VOPP1: variants seen among roughly 807,000 people sequenced by gnomAD.
The protein encoded by VOPP1 is WW domain binding protein VOPP1.
A neutral mutation model predicts 23.5 loss-of-function variants in VOPP1; 8 were observed. That is an observed-to-expected ratio of 0.34 (90% CI 0.20 to 0.61). VOPP1 has a LOEUF of 0.61. Ranked by LOEUF, VOPP1 falls within the 20% of genes least tolerant of loss-of-function variation. The pLI is 0.78. For missense variants in VOPP1, 174 were observed against 238.1 expected (o/e 0.73, Z 1.77); for synonymous variants, 83 against 97.3 (o/e 0.85, Z 0.86).
chr7:55,542,568 T>A (rs1797179348), intron 1 of VOPP1, among the ~76,000 whole-genome samples: 1 of 152,090 alleles, frequency 6.6e-6, no homozygotes, highest in Non-Finnish European at 1.5e-5. Flanking sequence ...GGCGGGCAGA[T>A]CACTTGAGGT....
intron 2 of VOPP1, among the ~76,000 whole-genome samples, chr7:55,500,185 A>G (rs1794270162): frequency 6.6e-6 from 1 of 152,122 alleles, no homozygotes; most frequent in Non-Finnish European, 1.5e-5. Context: ...CACCCTGCAT[A>G]ATCCCCTCCT....
intron 4 of VOPP1, 44 bp downstream of exon 4, chr7:55,492,238 G>GAC (rs771861973): frequency 6.4e-7 from 1 of 1,574,088 alleles, no homozygotes; most frequent in Non-Finnish European, 8.7e-7. Context: ...GTTGGCAGAC[G>GAC]ACACACACTG....
chr7:55,548,404 C>G (rs1214210412), intron 1 of VOPP1, among the ~76,000 whole-genome samples: 1 of 152,202 alleles, frequency 6.6e-6, no homozygotes, highest in African/African-American at 2.4e-5. Flanking sequence ...GAGGCTCCGC[C>G]CTCTGCCCCT....
intron 1 of VOPP1, among the ~76,000 whole-genome samples, chr7:55,571,356 T>C (rs989746822): frequency 1.4e-4 from 21 of 152,238 alleles, no homozygotes; most frequent in Non-Finnish European, 2.2e-4. Context: ...TTAAGGAAGA[T>C]AGTTTCACAA....
intron 4 of VOPP1, among the ~76,000 whole-genome samples, chr7:55,480,588 T>C (rs1792631158): frequency 6.6e-6 from 1 of 152,278 alleles, no homozygotes; most frequent in South Asian, 2.1e-4. Flanking sequence ...CTCCCATCTC[T>C]ACTTCCCAGG....
intron 2 of VOPP1, among the ~76,000 whole-genome samples, chr7:55,519,687 C>T (rs910246000): frequency 2.6e-5 from 4 of 152,196 alleles, no homozygotes; most frequent in African/African-American, 9.7e-5. Context: ...GCTGCAGAGG[C>T]TTCCTTCCAG....
intron 1 of VOPP1, among the ~76,000 whole-genome samples, chr7:55,544,701 CGCAGAGTTGGTGGAGA>C (rs557876350): frequency 1.3e-5 from 2 of 152,116 alleles, no homozygotes; most frequent in African/African-American, 2.4e-5. Context: ...TGAAGGCTTC[CGCAGAGTTGGTGGAGA>C]GCAGAGTTGG....
chr7:55,474,151 G>A (rs1792057891), intron 4 of VOPP1, among the ~76,000 whole-genome samples: 1 of 152,234 alleles, frequency 6.6e-6, no homozygotes, highest in South Asian at 2.1e-4. Context: ...TGTGTGAGAG[G>A]CTGCCTCGCC....
chr7:55,528,241 T>G (rs1200427387), intron 1 of VOPP1, among the ~76,000 whole-genome samples: 2 of 152,208 alleles, frequency 1.3e-5, no homozygotes, highest in African/African-American at 2.4e-5. Context: ...AGAATTGTAT[T>G]TTTTGTTATA....
chr7:55,485,731 C>T, intron 4 of VOPP1, among the ~76,000 whole-genome samples: 1 of 152,242 alleles, frequency 6.6e-6, no homozygotes, highest in East Asian at 1.9e-4. Context: ...CACTTAGTGA[C>T]AGACGGCAGG....
chr7:55,436,877 G>A (rs1017712899), intron 4 of VOPP1, among the ~76,000 whole-genome samples: 4 of 152,070 alleles, frequency 2.6e-5, no homozygotes, highest in African/African-American at 7.2e-5. Context: ...GCTTTCCCTG[G>A]TTCTGTGGCC....
chr7:55,572,065 G>C (rs563495668), intron 1 of VOPP1, among the ~76,000 whole-genome samples: 2 of 152,228 alleles, frequency 1.3e-5, no homozygotes, highest in South Asian at 4.1e-4. Context: ...AAGGAACGAC[G>C]GAAGGCGCGG....
intron 1 of VOPP1, among the ~76,000 whole-genome samples, chr7:55,523,424 G>T (rs940618322): frequency 1.3e-5 from 2 of 151,988 alleles, no homozygotes; most frequent in Non-Finnish European, 2.9e-5. Context: ...CAGAGTATGT[G>T]AAAGTTGATC....
chr7:55,516,923 TATATA>T (rs1247177095), intron 2 of VOPP1, among the ~76,000 whole-genome samples: 107 of 41,536 alleles, frequency 2.6e-3, no homozygotes, highest in African/African-American at 0.011. Context: ...TATATATATA[TATATA>T]TATATTTTTT....
chr7:55,478,486 G>T (rs1289428411), intron 4 of VOPP1, among the ~76,000 whole-genome samples: 1 of 152,134 alleles, frequency 6.6e-6, no homozygotes, highest in East Asian at 1.9e-4. Context: ...GAATAAAGAA[G>T]ATTAAGAAAT....
Position 55,492,300 on chromosome 7 carries a change from G to C in VOPP1, c.310C>G (p.Pro104Ala), listed in dbSNP as rs1220643129. 5 of 1,609,900 alleles carry C rather than the reference G, an allele frequency of 3.1e-6. No homozygotes were observed. The Admixed American group carries it at 8.4e-5, about 27-fold the overall frequency. Reference sequence around the variant, plus strand: ...GGCTGACCTGGGCCGGGATTTGGGGGCTGCCTGGTGTAGGACACATTGAAG... The same window carrying C: ...GGCTGACCTGGGCCGGGATTTGGGGCCTGCCTGGTGTAGGACACATTGAAG... ...PAFNVSYTRQ[P>A]PNPGPGAQQP... The change falls in exon 4 of 5, where the codon CCC becomes GCC. Residue 104 changes from proline to alanine, a missense_variant. Pro to Ala is a conservative substitution (Grantham distance 27). Coordinates refer to ENST00000285279, the MANE Select transcript of VOPP1 (RefSeq NM_030796.5).
At chr7:55,469,998 T>C (rs946844155), downstream of VOPP1, among the ~76,000 whole-genome samples, 1 of 152,122 alleles carries the variant, frequency 6.6e-6, no homozygotes, top group Non-Finnish European at 1.5e-5. Context: ...TGAGCTATGA[T>C]TGAACCACTG....
chr7:55,455,772 C>G (rs1442497330), intron 4 of VOPP1, among the ~76,000 whole-genome samples: 1 of 152,154 alleles, frequency 6.6e-6, no homozygotes, highest in East Asian at 1.9e-4. Context: ...GAAACTGGGT[C>G]CTTTCCTTAC....
intron 1 of VOPP1, among the ~76,000 whole-genome samples, chr7:55,542,507 C>A (rs1797176070): frequency 6.6e-6 from 1 of 152,190 alleles, no homozygotes; most frequent in Admixed American, 6.5e-5. Flanking sequence ...TAAGAACAGG[C>A]AGGCTGGCAT....
Sources: gnomAD v4.1 joint callset for allele counts (sites outside exome capture counted in the v4.1 genomes callset) on GRCh38, gnomAD v4.1.1 for gene constraint, MANE v1.5 for transcripts, NCBI Gene and HGNC (gene_info 2026-07-23, HGNC 2026-07-21) for gene names.